The following NEK4 variants were observed in gnomAD, a reference collection of about 807,000 sequenced individuals.
NEK4 encodes NIMA related kinase 4, also known as serine/threonine-protein kinase Nek4.
Under a neutral mutation model 98.4 loss-of-function variants are expected in NEK4, and 86 were observed. That is an observed-to-expected ratio of 0.87 (90% CI 0.73 to 1.05). NEK4 has a LOEUF of 1.05. Ranked by LOEUF, NEK4 falls within the 50% of genes least tolerant of loss-of-function variation. The pLI is 0.00. For synonymous variants in NEK4, 328 were observed against 342.2 expected (o/e 0.96, Z 0.46); for missense variants, 898 against 950.3 (o/e 0.94, Z 0.72).
chr3:52,718,841 T>C (rs1425040805), intron 15 of NEK4, among the ~76,000 whole-genome samples: 3 of 152,210 alleles, frequency 2.0e-5, no homozygotes, highest in Non-Finnish European at 2.9e-5. Flanking sequence ...GACCGTGACT[T>C]CCGCCTCCTG....
intron 15 of NEK4, among the ~76,000 whole-genome samples, chr3:52,713,032 T>C (rs1437960836): frequency 6.6e-6 from 1 of 152,174 alleles, no homozygotes; most frequent in Non-Finnish European, 1.5e-5. Context: ...GGTGGAGCCC[T>C]AGCCAGAGGC....
At chr3:52,768,171 G>C (rs1484833133) in intron 2 of NEK4, among the ~76,000 whole-genome samples, 167 bp downstream of exon 2, 1 of 152,202 alleles carries the variant, frequency 6.6e-6, no homozygotes, top group African/African-American at 2.4e-5. Flanking sequence ...CACTTACTTA[G>C]AAAAGTTCCA....
In NEK4 at chr3:52,752,094, A is replaced by G; in HGVS notation, c.1206T>C (p.Ser402=). The G allele has an allele frequency of 6.2e-7, 1 of 1,614,230 alleles. No individual in the cohort carries two copies. Among genetic ancestry groups the G allele is most frequent in the Non-Finnish European group, 8.5e-7 (1 of 1,180,048 alleles). Residue 402 remains serine, a synonymous_variant, in exon 7 of 16, where the codon AGT becomes AGC. Coordinates refer to ENST00000233027, the MANE Select transcript of NEK4 (RefSeq NM_003157.6). Reference sequence around the variant, plus strand: ...GCATCTCCTCTTCCACTTGAGAAATACTGCATATACCTCCTAACTCATTAG... The same window carrying G: ...GCATCTCCTCTTCCACTTGAGAAATGCTGCATATACCTCCTAACTCATTAG... The part of the protein sequence containing the change: ...DASNELGGIC[S]ISQVEEEMLQ...
chr3:52,770,311 T>C (rs1029557413), intron 1 of NEK4, among the ~76,000 whole-genome samples: 1 of 151,770 alleles, frequency 6.6e-6, no homozygotes, highest in African/African-American at 2.4e-5. Context: ...CCGGCTCTCA[T>C]GAGAGTATCG....
chr3:52,724,223 T>C (rs1159980535), intron 15 of NEK4, among the ~76,000 whole-genome samples: 1 of 89,054 alleles, frequency 1.1e-5, no homozygotes, highest in Non-Finnish European at 2.4e-5. Flanking sequence ...CAGTGAGACT[T>C]TGTCTTAAAA....
At chr3:52,712,376 C>CA (rs2097351266) in intron 15 of NEK4, among the ~76,000 whole-genome samples, 1 of 152,206 alleles carries the variant, frequency 6.6e-6, no homozygotes, top group African/African-American at 2.4e-5. Context: ...ACCATACAGA[C>CA]AGGCAGGCTG....
chr3:52,745,226 T>A (rs1489478142), intron 10 of NEK4, among the ~76,000 whole-genome samples: 1 of 151,748 alleles, frequency 6.6e-6, no homozygotes, highest in Non-Finnish European at 1.5e-5. Context: ...GCCTACTTGG[T>A]TTCTTTAATT....
chr3:52,713,395 G>C (rs879088293), intron 15 of NEK4, among the ~76,000 whole-genome samples: 1 of 152,200 alleles, frequency 6.6e-6, no homozygotes, highest in Non-Finnish European at 1.5e-5. Flanking sequence ...CTCTCTCAGG[G>C]TGTACTGCCT....
chr3:52,748,373 A>T (rs2097399980), intron 8 of NEK4, among the ~76,000 whole-genome samples: 1 of 152,122 alleles, frequency 6.6e-6, no homozygotes, highest in South Asian at 2.1e-4. Context: ...TCAGTTATCC[A>T]AATGTTCTGA....
At chr3:52,741,603 G>A in intron 12 of NEK4, 104 bp from the exon 13 acceptor site, 1 of 669,144 alleles carries the variant, frequency 1.5e-6, no homozygotes. Context: ...ACGTTCCTAG[G>A]TGCAATATAA....
chr3:52,735,842 T>C (rs1381672596), intron 15 of NEK4, among the ~76,000 whole-genome samples: 1 of 151,988 alleles, frequency 6.6e-6, no homozygotes, highest in African/African-American at 2.4e-5. Flanking sequence ...CCTGAAGGAG[T>C]TGTTTGTTTC....
rs1411790820 is a variant in NEK4, at chr3:52,710,134, G to C, written c.*1643C>G. ...TCCCAGCACTTTGGGAGGCCGAGGC[G>C]GGCAGATCACGAGGTCAGGAGATTG... On this transcript the variant is annotated 3_prime_UTR_variant, in exon 16 of 16. Coordinates refer to ENST00000233027, the MANE Select transcript of NEK4 (RefSeq NM_003157.6). 3 of 152,080 alleles carry C rather than the reference G, an allele frequency of 2.0e-5. No homozygotes were observed. Among genetic ancestry groups the C allele is most frequent in the African/African-American group, 7.2e-5 (3 of 41,400 alleles). The allele number at this position is 152,080 out of a possible 1,614,324, so 9.4% of individuals were successfully genotyped here.
chr3:52,766,498 C>T (rs1578709198), intron 2 of NEK4, 123 bp from the exon 3 acceptor site: 2 of 657,692 alleles, frequency 3.0e-6, no homozygotes, highest in Admixed American at 2.7e-5. Context: ...AGTAACCAAC[C>T]ATACAATTCC....
chr3:52,712,450 T>G (rs771365513), intron 15 of NEK4, among the ~76,000 whole-genome samples: 20 of 152,286 alleles, frequency 1.3e-4, no homozygotes, highest in Admixed American at 7.2e-4. Context: ...CCAGTGGGTG[T>G]GTGTTACAGG....
At chr3:52,766,157 G>A (rs1161787678) in intron 3 of NEK4, 21 bp downstream of exon 3, 1 of 1,604,190 alleles carries the variant, frequency 6.2e-7, no homozygotes, top group African/African-American at 1.3e-5. Context: ...AGGTAAGCCA[G>A]CATACAGAGC....
intron 10 of NEK4, among the ~76,000 whole-genome samples, chr3:52,745,597 T>C (rs1434053974): frequency 3.3e-5 from 5 of 151,692 alleles, no homozygotes; most frequent in Admixed American, 6.6e-5. Context: ...AAAAAGATTC[T>C]GCTGAGATCA....
intron 4 of NEK4, among the ~76,000 whole-genome samples, chr3:52,764,946 T>A (rs1291668985): frequency 6.6e-6 from 1 of 152,174 alleles, no homozygotes; most frequent in Non-Finnish European, 1.5e-5. Flanking sequence ...GTAGTGGCAT[T>A]ATGGGAAAAT....
chr3:52,766,069 A>T, intron 3 of NEK4, 75 bp from the exon 4 acceptor site: 1 of 1,457,876 alleles, frequency 6.9e-7, no homozygotes, highest in South Asian at 1.2e-5. Context: ...AAAAAAGAAA[A>T]CATTTTCCTT....
intron 15 of NEK4, among the ~76,000 whole-genome samples, chr3:52,715,418 G>A (rs1193703575): frequency 6.6e-6 from 1 of 152,174 alleles, no homozygotes; most frequent in Non-Finnish European, 1.5e-5. Flanking sequence ...ACGGAGCCTT[G>A]CTCTGTCACC....
Sources: allele counts gnomAD v4.1 joint callset (sites outside exome capture counted in the v4.1 genomes callset), GRCh38; gene constraint gnomAD v4.1.1; transcripts MANE v1.5; gene names NCBI Gene and HGNC (gene_info 2026-07-23, HGNC 2026-07-21).